Variants in ADAM12 observed in about 807,000 individuals in gnomAD.
The protein encoded by ADAM12 is disintegrin and metalloproteinase domain-containing protein 12.
ADAM12 carries 70 observed loss-of-function variants against 106.4 expected under a neutral mutation model. The observed-to-expected ratio is 0.66, with a 90% confidence interval of 0.54 to 0.80. The LOEUF (loss-of-function observed/expected upper bound fraction) is 0.80, where lower values mean the gene tolerates loss of function less well. Among genes scored for constraint, ADAM12 ranks in the 30% least tolerant of loss-of-function variants. ADAM12 has a pLI of 0.00. For missense variants in ADAM12, 1,010 were observed against 1,171.9 expected, an observed-to-expected ratio of 0.86 and a Z score of 2.02; for synonymous variants, 420 against 433.5, an observed-to-expected ratio of 0.97 and a Z score of 0.39.
chr10:126,053,244 A>G lies in ADAM12; in HGVS notation c.1610-3575T>C, dbSNP rs1208480510. ...TGCTTCCTGTAAAGCCTGCAGAACC[A>G]AGAACCAATTAAACCTTTTTTCTTT... On this transcript the variant is annotated intron_variant, in intron 14 of 22. Coordinates refer to ENST00000448723, the MANE Select transcript of ADAM12 (RefSeq NM_001288973.2). This position sits in a 1 kb window ranked among gnomAD's most constrained non-coding sequence, Gnocchi z 4.6. Among the ~76,000 whole-genome samples the G allele has an allele frequency of 6.6e-6, 1 of 152,186 alleles. No homozygotes were observed. The highest frequency in any genetic ancestry group is 1.5e-5 in the Non-Finnish European group (1 of 68,036).
At chr10:126,250,096 G>A (rs1396780184) in intron 3 of ADAM12, among the ~76,000 whole-genome samples, 2 of 152,138 alleles carry the variant, frequency 1.3e-5, no homozygotes, top group African/African-American at 4.8e-5. Context: ...CAACCCATCC[G>A]GGACTACCAC....
chr10:126,299,763 C>A (rs995669646), intron 2 of ADAM12, among the ~76,000 whole-genome samples: 5 of 152,152 alleles, frequency 3.3e-5, no homozygotes, highest in African/African-American at 1.2e-4. Flanking sequence ...CCTGCCTCAG[C>A]CTTCCAAGTA....
At chr10:126,367,191 A>G (rs1196802786) in intron 1 of ADAM12, among the ~76,000 whole-genome samples, 1 of 152,000 alleles carries the variant, frequency 6.6e-6, no homozygotes, top group Non-Finnish European at 1.5e-5. Context: ...CTCTCTAACA[A>G]ATGTAAAGAT....
chr10:126,155,954 C>T (rs1956807913), intron 3 of ADAM12, among the ~76,000 whole-genome samples: 1 of 48,900 alleles, frequency 2.0e-5, no homozygotes, highest in Non-Finnish European at 3.9e-5. Context: ...CCCGTTTATG[C>T]TATTAATAAA....
rs148244754 is a variant in ADAM12, at chr10:126,200,568, C to T, written c.261-45263G>A. Among the ~76,000 whole-genome samples the T allele has an allele frequency of 3.3e-5, 5 of 152,228 alleles. No homozygotes were observed. The East Asian group carries it at 5.8e-4, about 18-fold the overall frequency. ...CTCAGCATCTTAATCGACAACACCACGATATAATGGTTCCCACACTGTGGA... is the reference window on the plus strand; with the variant it reads ...CTCAGCATCTTAATCGACAACACCATGATATAATGGTTCCCACACTGTGGA... On this transcript the variant is annotated intron_variant, in intron 3 of 22. Coordinates refer to ENST00000448723, the MANE Select transcript of ADAM12 (RefSeq NM_001288973.2).
intron 1 of ADAM12, among the ~76,000 whole-genome samples, chr10:126,362,845 G>T (rs1305150918): frequency 6.6e-6 from 1 of 152,060 alleles, no homozygotes; most frequent in Non-Finnish European, 1.5e-5. Flanking sequence ...GGAGGAATAA[G>T]GTTTTTTGTT....
intron 1 of ADAM12, 59 bp downstream of exon 1, chr10:126,387,999 C>A (rs898454038): frequency 3.4e-6 from 4 of 1,189,960 alleles, no homozygotes; most frequent in Admixed American, 4.5e-5. Context: ...CGCGCCCAGG[C>A]GCAGCGTGCG....
chr10:126,281,633 C>T (rs1367756017), intron 2 of ADAM12, among the ~76,000 whole-genome samples: 2 of 152,114 alleles, frequency 1.3e-5, no homozygotes, highest in African/African-American at 2.4e-5. Context: ...CACTAATTGC[C>T]TTAGACTTCT....
rs1340231762 is a variant in ADAM12 at position 126,144,346 on chromosome 10, C to T, written c.340-8686G>A. On this transcript the variant is annotated intron_variant, in intron 4 of 22. Coordinates refer to ENST00000448723, the MANE Select transcript of ADAM12 (RefSeq NM_001288973.2). The stretch of plus-strand genomic sequence containing the variant: ...GGATCAAATAAACATGACATGGGGA[C>T]GCAATTCATAAAATGTAAGGCATTG... 5.9e-5 allele frequency among the ~76,000 whole-genome samples: 9 copies of T among 152,118 alleles called. No homozygotes were observed. In the South Asian group the frequency reaches 1.2e-3, roughly 21 times the overall value.
At chr10:126,142,556 C>T (rs12779102) in intron 4 of ADAM12, among the ~76,000 whole-genome samples, 26,239 of 152,184 alleles carry the variant, frequency 0.17, 2,313 homozygotes, top group Middle Eastern at 0.2. Context: ...CACAACCTTC[C>T]AGCGTGGGTG....
chr10:126,159,195 A>C (rs907378959), intron 3 of ADAM12, among the ~76,000 whole-genome samples: 5 of 151,746 alleles, frequency 3.3e-5, no homozygotes, highest in African/African-American at 1.2e-4. Flanking sequence ...CTGTGGTCCC[A>C]ACTACTCAGG....
chr10:126,177,429 G>A (rs2133775982), intron 3 of ADAM12, among the ~76,000 whole-genome samples: 1 of 152,274 alleles, frequency 6.6e-6, no homozygotes, highest in East Asian at 1.9e-4. Context: ...AAGGTCTCAT[G>A]AATCTGACCA....
chr10:126,185,131 G>A lies in ADAM12; in HGVS notation c.261-29826C>T, dbSNP rs1957377591. ...TCTGGATTTTGTAGCACAAAGCTGA[G>A]TCCTGGCTTACCTCTGTGGGTAACA... On this transcript the variant is annotated intron_variant, in intron 3 of 22. Transcript: ENST00000448723. Among the ~76,000 whole-genome samples the A allele has an allele frequency of 2.6e-5, 4 of 152,226 alleles. No homozygotes were observed. In the South Asian group the frequency reaches 8.3e-4, roughly 31 times the overall value.
At chr10:126,317,112 G>A (rs551136565) in intron 2 of ADAM12, among the ~76,000 whole-genome samples, 8 of 152,242 alleles carry the variant, frequency 5.3e-5, no homozygotes, top group Non-Finnish European at 7.4e-5. Flanking sequence ...AAACATCACC[G>A]CGAGTCCATC....
chr10:126,295,175 A>C (rs753058302), intron 2 of ADAM12, among the ~76,000 whole-genome samples: 1 of 152,200 alleles, frequency 6.6e-6, no homozygotes, highest in Non-Finnish European at 1.5e-5. Flanking sequence ...TCTCCCCCCA[A>C]AAAATAGAAT....
At chr10:126,089,605 C>A (rs1195910979) in intron 11 of ADAM12, among the ~76,000 whole-genome samples, 3 of 152,170 alleles carry the variant, frequency 2.0e-5, no homozygotes, top group Admixed American at 6.5e-5. Context: ...GCCTGAGAAG[C>A]TTCAATGATG....
At chr10:126,122,939 A>G (rs1459089833) in intron 5 of ADAM12, among the ~76,000 whole-genome samples, 1 of 152,244 alleles carries the variant, frequency 6.6e-6, no homozygotes, top group Non-Finnish European at 1.5e-5. Flanking sequence ...AATCATGAGA[A>G]GCAAATTACT....
chr10:126,144,159 C>A (rs910496754), intron 4 of ADAM12, among the ~76,000 whole-genome samples: 1 of 152,332 alleles, frequency 6.6e-6, no homozygotes, highest in Admixed American at 6.5e-5. Flanking sequence ...CTTACAAAAT[C>A]ATGTTCATAG....
Position 126,071,535 on chromosome 10 carries a change from T to C in ADAM12, c.1265A>G (p.Gln422Arg). 2 of 1,614,170 alleles carry C rather than the reference T, an allele frequency of 1.2e-6. No homozygotes were observed. The highest frequency in any genetic ancestry group is 1.7e-6 in the Non-Finnish European group (2 of 1,180,030). Residue 422 changes from glutamine to arginine, a missense_variant, in exon 12 of 23, where the codon CAG becomes CGG. Physicochemically the swap from Gln to Arg is conservative, Grantham distance 43. Around this residue, in one of 3 missense-constraint regions of ADAM12, gnomAD observed 615 missense variants for 708.5 expected, o/e 0.87. Coordinates refer to ENST00000448723, the MANE Select transcript of ADAM12 (RefSeq NM_001288973.2). ...LPEVRESFGG[Q>R]KCGNRFVEEG... ...TTCCACAAATCTGTTCCCACACTTC[T>C]GGCCCCCGAAAGACTCCCTGACTTC...
Sources: gnomAD v4.1 joint callset for allele counts (sites outside exome capture counted in the v4.1 genomes callset) on GRCh38, gnomAD v4.1.1 for gene constraint, gnomAD v4.1.1 regional missense constraint, Gnocchi (gnomAD v3.1) non-coding constraint, MANE v1.5 for transcripts, NCBI Gene and HGNC (gene_info 2026-07-23, HGNC 2026-07-21) for gene names.